SIK3: variants seen among roughly 807,000 people sequenced by gnomAD.
The protein encoded by SIK3 is serine/threonine-protein kinase SIK3.
In SIK3, 28 loss-of-function variants were observed where a neutral mutation model predicts 144.2. The observed-to-expected ratio is 0.19, with a 90% CI of 0.14 to 0.27. The LOEUF is 0.27. Ranked by LOEUF, SIK3 falls within the 10% of genes least tolerant of loss-of-function variation. SIK3 has a pLI of 1.00. For synonymous variants in SIK3, 686 were observed against 676.3 expected (o/e 1.01, Z -0.22); for missense variants, 1,319 against 1,776.0 (o/e 0.74, Z 4.62).
chr11:116,914,299 C>A (rs1025518402), intron 4 of SIK3, among the ~76,000 whole-genome samples: 4 of 151,148 alleles, frequency 2.6e-5, no homozygotes, highest in African/African-American at 9.8e-5. Flanking sequence ...GCCTCCACCT[C>A]CTGGGTTCAA....
At chr11:116,917,827 G>GAAGGAAAGGA (rs55678809) in intron 4 of SIK3, among the ~76,000 whole-genome samples, 12,222 of 104,882 alleles carry the variant, frequency 0.12, 1,034 homozygotes, top group East Asian at 0.21. Context: ...GAAGAAGAAG[G>GAAGGAAAGGA]AAGGAAAGGA....
intron 1 of SIK3, among the ~76,000 whole-genome samples, chr11:117,058,331 C>T (rs1242753584): frequency 1.3e-5 from 2 of 151,994 alleles, no homozygotes; most frequent in African/African-American, 4.8e-5. Flanking sequence ...ACCAGCCTGA[C>T]CAACATGGTG....
intron 4 of SIK3, among the ~76,000 whole-genome samples, chr11:116,898,207 G>A (rs1945529232): frequency 6.6e-6 from 1 of 150,508 alleles, no homozygotes. Context: ...TCCCACCTAT[G>A]AGTGAGAACA....
rs368405357 is a variant in SIK3 at position 116,858,264 on chromosome 11, G to C, written c.3201C>G (p.Phe1067Leu). The C allele has an allele frequency of 6.2e-7, 1 of 1,613,964 alleles. No individual in the cohort carries two copies. The highest frequency in any genetic ancestry group is 8.5e-7 in the Non-Finnish European group (1 of 1,179,884). Reference protein sequence around the residue: ...QQQQQEYQELFRHMNQGDAGS... With the variant: ...QQQQQEYQELLRHMNQGDAGS... ...CCGCATCCCCTTGGTTCATGTGCCTGAACAGTTCCTGGTATTCTTGCTGTT... is the reference window on the plus strand; with the variant it reads ...CCGCATCCCCTTGGTTCATGTGCCTCAACAGTTCCTGGTATTCTTGCTGTT... The change falls in exon 21 of 25, where the codon TTC becomes TTG. Residue 1067 changes from phenylalanine to leucine, a missense_variant. Physicochemically the swap from Phe to Leu is conservative, Grantham distance 22. This residue lies in a region of SIK3 where 646 missense variants were observed against 763.7 expected (regional missense o/e 0.85). Transcript: ENST00000445177. The surrounding 1 kb of genome is among the most constrained non-coding windows in gnomAD (Gnocchi z 5.4).
intron 1 of SIK3, among the ~76,000 whole-genome samples, chr11:117,085,576 T>C (rs1373666684): frequency 1.3e-5 from 2 of 152,314 alleles, no homozygotes; most frequent in Non-Finnish European, 1.5e-5. Context: ...AAATGCAAGA[T>C]TGGTCACAAG....
chr11:117,073,769 C>T (rs929796993), intron 1 of SIK3, among the ~76,000 whole-genome samples: 3 of 152,178 alleles, frequency 2.0e-5, no homozygotes, highest in Non-Finnish European at 2.9e-5. Flanking sequence ...ACTGCTCCTC[C>T]GGAGGAAGAA....
In SIK3 at chr11:117,063,374, T is replaced by C. The variant is rs75107568; in HGVS notation, c.273+34769A>G. On this transcript the variant is annotated intron_variant, in intron 1 of 24. Coordinates refer to ENST00000445177, the MANE Select transcript of SIK3 (RefSeq NM_001366686.3). The stretch of plus-strand genomic sequence containing the variant: ...CTTTTCTCATAGCTGTAGCAGGCAA[T>C]ACTCTCTTGGTTTCTCAGAACCACT... Among the ~76,000 whole-genome samples the C allele has an allele frequency of 9.1e-3, 1,378 of 152,214 alleles. 23 individuals are homozygous for C. Among genetic ancestry groups the C allele is most frequent in the African/African-American group, 0.032 (1,313 of 41,530 alleles).
At chr11:116,979,210 A>C (rs1281091524) in intron 1 of SIK3, among the ~76,000 whole-genome samples, 2 of 152,314 alleles carry the variant, frequency 1.3e-5, no homozygotes, top group African/African-American at 4.8e-5. Flanking sequence ...CGAGCAGGAG[A>C]TAGACAGTTC....
At chr11:116,972,388 G>A (rs1026216104) in intron 1 of SIK3, among the ~76,000 whole-genome samples, 2 of 152,150 alleles carry the variant, frequency 1.3e-5, no homozygotes, top group African/African-American at 4.8e-5. Flanking sequence ...ATGGATGACT[G>A]ACAGCATCAG....
chr11:117,051,958 A>G (rs962089490), intron 1 of SIK3, among the ~76,000 whole-genome samples: 1 of 151,862 alleles, frequency 6.6e-6, no homozygotes, highest in Non-Finnish European at 1.5e-5. Flanking sequence ...CCTGGCCAAC[A>G]TGGTGAAATC....
intron 1 of SIK3, among the ~76,000 whole-genome samples, chr11:117,020,142 G>T (rs1026299060): frequency 6.6e-6 from 1 of 151,294 alleles, no homozygotes; most frequent in Admixed American, 6.6e-5. Flanking sequence ...GCTCGAAAAA[G>T]TAAGTGTAAC....
intron 3 of SIK3, among the ~76,000 whole-genome samples, chr11:116,928,726 C>G (rs1312442839): frequency 6.6e-6 from 1 of 152,170 alleles, no homozygotes; most frequent in Non-Finnish European, 1.5e-5. Context: ...AAACTGCATT[C>G]TGACCACAAG....
At chr11:116,973,825 A>G (rs1052329048) in intron 1 of SIK3, among the ~76,000 whole-genome samples, 1 of 152,206 alleles carries the variant, frequency 6.6e-6, no homozygotes, top group Non-Finnish European at 1.5e-5. Flanking sequence ...GGAGCATTCT[A>G]CAATACCTGA....
At position 116,924,404 on chromosome 11, in the gene SIK3, C is replaced by T. The variant is rs1459088729; in HGVS notation, c.616+2815G>A. Among the ~76,000 whole-genome samples, 8 of 152,026 alleles carry T rather than the reference C, an allele frequency of 5.3e-5. No individual in the cohort carries two copies. The East Asian group carries it at 1.5e-3, about 29-fold the overall frequency. On this transcript the variant is annotated intron_variant, in intron 4 of 24. Transcript: ENST00000445177. ...AAGAAAATTTTTAATCTTGGGTCAG[C>T]GGACGGAAAATAAAACTAGAGAATA...
In SIK3 at chr11:116,866,184, T is replaced by C. The variant is rs139587024; in HGVS notation, c.1952+1762A>G. Among the ~76,000 whole-genome samples, 5 of 152,250 alleles carry C rather than the reference T, an allele frequency of 3.3e-5. No homozygotes were observed. In the East Asian group the frequency reaches 9.7e-4, roughly 29 times the overall value. On this transcript the variant is annotated intron_variant, in intron 15 of 24. Transcript: ENST00000445177. ...GACTCTGGAAATGTGACGATCTTCA[T>C]GTTCCCCTCATAAGAAGACCTCCTG...
intron 3 of SIK3, among the ~76,000 whole-genome samples, chr11:116,934,562 C>T (rs73592267): frequency 9.5e-4 from 145 of 152,310 alleles, no homozygotes; most frequent in African/African-American, 3.4e-3. Flanking sequence ...ACAATTTCTT[C>T]GTGAAACACA....
intron 1 of SIK3, among the ~76,000 whole-genome samples, chr11:116,965,734 A>AT (rs1949505471): frequency 1.7e-5 from 2 of 118,378 alleles, no homozygotes; most frequent in African/African-American, 7.4e-5. Flanking sequence ...TCTCTGCTAA[A>AT]ATATATATAT....
chr11:117,025,441 G>T (rs1429765542), intron 1 of SIK3, among the ~76,000 whole-genome samples: 1 of 151,794 alleles, frequency 6.6e-6, no homozygotes, highest in East Asian at 1.9e-4. Flanking sequence ...TCATATCTAT[G>T]CCCAATACAA....
chr11:116,968,941 A>T (rs184948862), intron 1 of SIK3, among the ~76,000 whole-genome samples: 2 of 152,252 alleles, frequency 1.3e-5, no homozygotes, highest in East Asian at 3.9e-4. Flanking sequence ...CATGACCCCT[A>T]ATTCATTGCC....
Sources: gnomAD v4.1 joint callset for allele counts (sites outside exome capture counted in the v4.1 genomes callset) on GRCh38, gnomAD v4.1.1 for gene constraint, gnomAD v4.1.1 regional missense constraint, Gnocchi (gnomAD v3.1) non-coding constraint, MANE v1.5 for transcripts, NCBI Gene and HGNC (gene_info 2026-07-23, HGNC 2026-07-21) for gene names.